Variants in PEX7 observed in about 807,000 individuals in gnomAD.
PEX7 encodes the protein peroxisomal biogenesis factor 7, also known as PTS2 receptor.
In PEX7, 34 loss-of-function variants were observed where a neutral mutation model predicts 47.5. The ratio of observed to expected loss-of-function variants is 0.72; its 90% CI spans 0.54 to 0.95. The LOEUF is 0.95. PEX7 is among the 40% of genes least tolerant of loss of function. The probability of loss-of-function intolerance (pLI) is 0.00; values close to 1 mark genes in which losing one functional copy is unlikely to be tolerated. For synonymous variants in PEX7, 141 were observed against 148.8 expected (o/e 0.95, Z 0.38); for missense variants, 394 against 400.3 (o/e 0.98, Z 0.13).
chr6:136,839,937 G>A (rs1362548889), intron 3 of PEX7, among the ~76,000 whole-genome samples: 1 of 152,138 alleles, frequency 6.6e-6, no homozygotes, highest in Admixed American at 6.5e-5. Context: ...GCAGTGTTAT[G>A]GGAAGGGAGG....
At chr6:136,876,042 A>AT (rs57765125) in intron 8 of PEX7, among the ~76,000 whole-genome samples, 27 of 140,344 alleles carry the variant, frequency 1.9e-4, no homozygotes, top group African/African-American at 3.2e-4. Context: ...CTTTCATTAA[A>AT]TTTTTTTTTT....
chr6:136,890,951 G>A (rs1428277411), intron 8 of PEX7, among the ~76,000 whole-genome samples: 1 of 152,164 alleles, frequency 6.6e-6, no homozygotes, highest in African/African-American at 2.4e-5. Context: ...CATGAGTAGA[G>A]TTCTTCCAGT....
intron 9 of PEX7, among the ~76,000 whole-genome samples, chr6:136,910,261 C>T (rs1469750026): frequency 6.6e-6 from 1 of 152,110 alleles, no homozygotes; most frequent in Non-Finnish European, 1.5e-5. Context: ...CCTCAAAGAG[C>T]TGAAGACAAC....
At chr6:136,882,559 A>C (rs1184223175) in intron 8 of PEX7, among the ~76,000 whole-genome samples, 1 of 151,462 alleles carries the variant, frequency 6.6e-6, no homozygotes, top group Non-Finnish European at 1.5e-5. Flanking sequence ...AATAATAATA[A>C]TAATAATAAT....
chr6:136,850,718 G>A (rs1034188763), intron 5 of PEX7, among the ~76,000 whole-genome samples: 2 of 152,152 alleles, frequency 1.3e-5, no homozygotes, highest in Non-Finnish European at 2.9e-5. Context: ...GAACCTGTGA[G>A]ACACGCATCT....
rs557798056 is a variant in PEX7, at chr6:136,849,332, T to A, written c.526+3151T>A. On this transcript the variant is annotated intron_variant, in intron 5 of 9. Coordinates refer to ENST00000318471, the MANE Select transcript of PEX7 (RefSeq NM_000288.4). The stretch of plus-strand genomic sequence containing the variant: ...TGGATTCATTGATTTTTTTGAAGGG[T>A]TTTTTGTGTCTCTATCTCCTTCAGT... 3.2e-4 allele frequency among the ~76,000 whole-genome samples: 49 copies of A among 152,162 alleles called. 1 individual carries two copies. The highest frequency in any genetic ancestry group is 1.1e-3 in the African/African-American group (46 of 41,522).
At chr6:136,850,718 GA>G (rs1774727205) in intron 5 of PEX7, among the ~76,000 whole-genome samples, 1 of 152,152 alleles carries the variant, frequency 6.6e-6, no homozygotes, top group African/African-American at 2.4e-5. Flanking sequence ...GAACCTGTGA[GA>G]CACGCATCTG....
At chr6:136,848,280 A>G (rs546022650) in intron 5 of PEX7, among the ~76,000 whole-genome samples, 60 of 152,274 alleles carry the variant, frequency 3.9e-4, no homozygotes, top group African/African-American at 1.3e-3. Context: ...CAATCATGTC[A>G]TCTGCAAACA....
chr6:136,901,477 G>T (rs1027459015), intron 9 of PEX7: 3 of 152,300 alleles, frequency 2.0e-5, no homozygotes, highest in African/African-American at 7.2e-5. Flanking sequence ...ATTAGGCCTC[G>T]TTCAATGTGT....
At chr6:136,841,529 C>G (rs1053834550) in intron 3 of PEX7, among the ~76,000 whole-genome samples, 1 of 152,152 alleles carries the variant, frequency 6.6e-6, no homozygotes, top group African/African-American at 2.4e-5. Flanking sequence ...CTTCTGAGCA[C>G]GAAGCTGAAT....
intron 2 of PEX7, among the ~76,000 whole-genome samples, chr6:136,825,966 A>G (rs1010624218): frequency 4.6e-5 from 7 of 152,194 alleles, no homozygotes; most frequent in Admixed American, 2.0e-4. Flanking sequence ...TGACAGAACA[A>G]GACTCTTTCT....
At chr6:136,850,372 T>C (rs1774721177) in intron 5 of PEX7, among the ~76,000 whole-genome samples, 1 of 152,178 alleles carries the variant, frequency 6.6e-6, no homozygotes. Flanking sequence ...AAGGTTAATA[T>C]TGTTATGTGT....
chr6:136,863,164 A>T (rs963291306), intron 5 of PEX7, among the ~76,000 whole-genome samples: 1 of 152,148 alleles, frequency 6.6e-6, no homozygotes, highest in Non-Finnish European at 1.5e-5. Context: ...TCACAATGAG[A>T]TATGTTGTCA....
rs187633964 is a variant in PEX7, at chr6:136,836,603, A to G, written c.340-9012A>G. ...GGTATTGAAAATAATTATTCAAGTG[A>G]CTTTAAAAACCCAGTATTGTGATTA... On this transcript the variant is annotated intron_variant, in intron 3 of 9. Transcript: ENST00000318471. Among the ~76,000 whole-genome samples, 1,116 of 152,326 alleles carry G rather than the reference A, an allele frequency of 7.3e-3. 7 individuals are homozygous for G. The highest frequency in any genetic ancestry group is 0.013 in the Non-Finnish European group (858 of 68,030).
chr6:136,825,594 C>T (rs887027928), intron 2 of PEX7, among the ~76,000 whole-genome samples: 4 of 151,882 alleles, frequency 2.6e-5, no homozygotes, highest in South Asian at 2.1e-4. Flanking sequence ...AGTACAGTGG[C>T]GCCATCTTGG....
At chr6:136,840,058 C>G (rs1017130389) in intron 3 of PEX7, among the ~76,000 whole-genome samples, 1 of 152,174 alleles carries the variant, frequency 6.6e-6, no homozygotes, top group Non-Finnish European at 1.5e-5. Flanking sequence ...AATGAAAGAG[C>G]ATGCTTGACC....
intron 8 of PEX7, among the ~76,000 whole-genome samples, chr6:136,888,093 G>A (rs1019089942): frequency 2.6e-5 from 4 of 151,904 alleles, no homozygotes; most frequent in African/African-American, 9.7e-5. Flanking sequence ...TTAAAAAAAG[G>A]TCAGCCAAAG....
rs561620637 is a variant in PEX7 at position 136,848,307 on chromosome 6, C to A, written c.526+2126C>A. On this transcript the variant is annotated intron_variant, in intron 5 of 9. Transcript: ENST00000318471. ...CTGCAAACAGGGACAATTTGACTTC[C>A]TCTTTTCCTAATTGAATACCCTTTA... Among the ~76,000 whole-genome samples the A allele has an allele frequency of 2.6e-5, 4 of 152,286 alleles. No individual in the cohort carries two copies. In the South Asian group the frequency reaches 8.3e-4, roughly 32 times the overall value.
chr6:136,827,681 C>T (rs371978445), intron 3 of PEX7, among the ~76,000 whole-genome samples: 4 of 151,900 alleles, frequency 2.6e-5, no homozygotes, highest in South Asian at 4.1e-4. Flanking sequence ...TACAGACGTG[C>T]GCCACCGTGC....
Sources: gnomAD v4.1 joint callset for allele counts (sites outside exome capture counted in the v4.1 genomes callset) on GRCh38, gnomAD v4.1.1 for gene constraint, MANE v1.5 for transcripts, NCBI Gene and HGNC (gene_info 2026-07-23, HGNC 2026-07-21) for gene names.